BPTF: variants seen among roughly 807,000 people sequenced by gnomAD.
BPTF encodes the protein nucleosome-remodeling factor subunit BPTF.
Under a neutral mutation model 292.5 loss-of-function variants are expected in BPTF, and 18 were observed. That is an observed-to-expected ratio of 0.06 (90% CI 0.04 to 0.09). The LOEUF (loss-of-function observed/expected upper bound fraction) is 0.09, where lower values mean the gene tolerates loss of function less well. Ranked by LOEUF, BPTF falls within the 10% of genes least tolerant of loss-of-function variation. The probability of loss-of-function intolerance (pLI) is 1.00; values close to 1 mark genes in which losing one functional copy is unlikely to be tolerated. For synonymous variants in BPTF, 1,225 were observed against 1,251.9 expected, an observed-to-expected ratio of 0.98 and a Z score of 0.45; for missense variants, 2,726 against 3,498.7, an observed-to-expected ratio of 0.78 and a Z score of 5.57.
intron 11 of BPTF, among the ~76,000 whole-genome samples, chr17:67,914,175 C>T (rs145949154): frequency 2.2e-4 from 34 of 152,164 alleles, no homozygotes; most frequent in African/African-American, 7.9e-4. Flanking sequence ...CCTTAGGCTT[C>T]GTTTTTGTGT....
chr17:67,966,480 C>T, intron 25 of BPTF, 92 bp from the exon 26 acceptor site: 2 of 1,136,142 alleles, frequency 1.8e-6, no homozygotes, highest in Non-Finnish European at 2.6e-6. Context: ...TTAAAACTCA[C>T]TTTTGGGTTC....
chr17:67,893,341 T>C (rs1488892740), intron 5 of BPTF, 29 bp from the exon 6 acceptor site: 3 of 1,318,094 alleles, frequency 2.3e-6, no homozygotes, highest in Non-Finnish European at 1.1e-6. Flanking sequence ...TTGACATAAA[T>C]AATGCAGTCT....
intron 27 of BPTF, among the ~76,000 whole-genome samples, chr17:67,978,434 G>T (rs148769680): frequency 0.014 from 2,054 of 151,990 alleles, 20 homozygotes; most frequent in Non-Finnish European, 0.016. Context: ...AAGTAGCTGG[G>T]ATTACAGGCA....
intron 2 of BPTF, among the ~76,000 whole-genome samples, chr17:67,863,482 C>T (rs2059206626): frequency 6.6e-6 from 1 of 152,182 alleles, no homozygotes; most frequent in South Asian, 2.1e-4. Flanking sequence ...GATGGGGTTT[C>T]ACCATGTTGG....
At chr17:67,886,583 C>T (rs1205320646) in intron 4 of BPTF, among the ~76,000 whole-genome samples, 1 of 152,004 alleles carries the variant, frequency 6.6e-6, no homozygotes, top group East Asian at 1.9e-4. Flanking sequence ...TCATACTCCC[C>T]TCCCCAAAGG....
intron 11 of BPTF, among the ~76,000 whole-genome samples, chr17:67,916,871 T>A (rs1275585585): frequency 6.6e-6 from 1 of 151,970 alleles, no homozygotes; most frequent in South Asian, 2.1e-4. Flanking sequence ...TTTTATAGCC[T>A]TTGTCTACAC....
chr17:67,926,219 G>A (rs1400202310), intron 15 of BPTF, among the ~76,000 whole-genome samples: 1 of 150,780 alleles, frequency 6.6e-6, no homozygotes, highest in South Asian at 2.1e-4. Flanking sequence ...ATATTGCCCA[G>A]GCTAGTCTTG....
intron 3 of BPTF, among the ~76,000 whole-genome samples, chr17:67,869,827 CAA>C (rs772941425): frequency 0.025 from 1,416 of 56,402 alleles, 24 homozygotes; most frequent in African/African-American, 0.077. Flanking sequence ...ACTAAAAATA[CAA>C]AAAAAAAAAA....
At chr17:67,981,505 T>C (rs2148699708) in intron 27 of BPTF, 3 of 1,178,772 alleles carry the variant, frequency 2.5e-6, no homozygotes, top group South Asian at 1.6e-5. Context: ...CTTTGTTTTA[T>C]TGTACCTCGT....
intron 3 of BPTF, among the ~76,000 whole-genome samples, chr17:67,873,562 C>T (rs895931438): frequency 2.0e-5 from 3 of 151,798 alleles, no homozygotes; most frequent in South Asian, 2.1e-4. Flanking sequence ...TTAGCAATTC[C>T]GAAACTATTT....
At chr17:67,852,717 A>G (rs1368555236) in intron 1 of BPTF, among the ~76,000 whole-genome samples, 2 of 152,246 alleles carry the variant, frequency 1.3e-5, no homozygotes, top group African/African-American at 4.8e-5. Flanking sequence ...TTTGTACTTA[A>G]ATGAATGTGT....
Position 67,909,712 on chromosome 17 carries a change from A to G in BPTF, c.2943A>G (p.Ala981=). Reference sequence around the variant, plus strand: ...AAGGTTCAGATGCTGCAAAAGGAGCAGACCAAAATGAAATGGATATCTCAA... The same window carrying G: ...AAGGTTCAGATGCTGCAAAAGGAGCGGACCAAAATGAAATGGATATCTCAA... ...EVKGSDAAKG[A]DQNEMDISKI... Residue 981 remains alanine, a synonymous_variant, in exon 10 of 28, where the codon GCA becomes GCG. Coordinates refer to ENST00000306378, the MANE Select transcript of BPTF (RefSeq NM_182641.4). 3 of 1,593,386 alleles carry G rather than the reference A, an allele frequency of 1.9e-6. No homozygotes were observed. Among genetic ancestry groups the G allele is most frequent in the Non-Finnish European group, 2.6e-6 (3 of 1,173,154 alleles).
chr17:67,877,358 A>G (rs2145814465), intron 4 of BPTF, among the ~76,000 whole-genome samples: 1 of 152,332 alleles, frequency 6.6e-6, no homozygotes, highest in African/African-American at 2.4e-5. Flanking sequence ...GCTATGTGCT[A>G]GACACTTTGT....
At chr17:67,953,951 CTTTTCTTTTCTTTTTTTTTTTTTTTT>C (rs2066647751) in intron 23 of BPTF, among the ~76,000 whole-genome samples, 1 of 75,414 alleles carries the variant, frequency 1.3e-5, no homozygotes, top group Non-Finnish European at 2.7e-5. Context: ...TTTTCTTTTT[CTTTTCTTTTCTTTTTTTTTTTTTTTT>C]TTTTTTTTTT....
intron 9 of BPTF, among the ~76,000 whole-genome samples, chr17:67,905,210 G>A (rs920285286): frequency 6.6e-6 from 1 of 152,104 alleles, no homozygotes; most frequent in Non-Finnish European, 1.5e-5. Context: ...AGGAGTTCTA[G>A]ACTACCTGGC....
intron 3 of BPTF, among the ~76,000 whole-genome samples, chr17:67,867,195 G>A (rs964089215): frequency 2.0e-5 from 3 of 152,048 alleles, no homozygotes; most frequent in African/African-American, 7.2e-5. Flanking sequence ...ACATTTTAGT[G>A]TTTTATTTCT....
chr17:67,907,545 G>A (rs1048373122), intron 9 of BPTF, among the ~76,000 whole-genome samples: 3 of 151,788 alleles, frequency 2.0e-5, no homozygotes, highest in African/African-American at 4.8e-5. Context: ...TAATAGAGAC[G>A]GGGTTTTGCC....
At chr17:67,841,760 G>A (rs1181169460) in intron 1 of BPTF, among the ~76,000 whole-genome samples, 1 of 151,976 alleles carries the variant, frequency 6.6e-6, no homozygotes, top group Non-Finnish European at 1.5e-5. Flanking sequence ...TAATCTGACA[G>A]CCTCTTTTAA....
intron 26 of BPTF, among the ~76,000 whole-genome samples, chr17:67,973,218 C>CA (rs2068994432): frequency 6.7e-6 from 1 of 150,256 alleles, no homozygotes. Context: ...ACTAAAAATA[C>CA]AAAAAATTAG....
Sources: allele counts gnomAD v4.1 joint callset (sites outside exome capture counted in the v4.1 genomes callset), GRCh38; gene constraint gnomAD v4.1.1; transcripts MANE v1.5; gene names NCBI Gene and HGNC (gene_info 2026-07-23, HGNC 2026-07-21).